Variants in PTPRN2 observed in about 807,000 individuals in gnomAD.
PTPRN2 encodes receptor-type tyrosine-protein phosphatase N2.
In PTPRN2, 74 loss-of-function variants were observed where a neutral mutation model predicts 118.8. The observed-to-expected ratio is 0.62, with a 90% CI of 0.52 to 0.76. The LOEUF (loss-of-function observed/expected upper bound fraction) is 0.76, where lower values mean the gene tolerates loss of function less well. PTPRN2 is among the 30% of genes least tolerant of loss of function. PTPRN2 has a pLI of 0.00. For synonymous variants in PTPRN2, 641 were observed against 608.0 expected (o/e 1.05, Z -0.80); for missense variants, 1,481 against 1,394.4 (o/e 1.06, Z -0.99).
intron 2 of PTPRN2, among the ~76,000 whole-genome samples, chr7:158,373,205 G>A (rs1200275848): frequency 7.2e-5 from 11 of 152,348 alleles, no homozygotes; most frequent in Non-Finnish European, 1.2e-4. Context: ...TCTGACGCCC[G>A]TACGCTGCGG....
At chr7:158,534,122 CCGT>C in intron 1 of PTPRN2, among the ~76,000 whole-genome samples, 2 of 121,426 alleles carry the variant, frequency 1.6e-5, no homozygotes, top group African/African-American at 6.0e-5. Context: ...GCCCTGGGCT[CCGT>C]CAGGGATGGC....
chr7:157,628,230 T>C lies in PTPRN2; in HGVS notation c.2197-6721A>G, dbSNP rs577893993. 1.6e-4 allele frequency among the ~76,000 whole-genome samples: 24 copies of C among 152,368 alleles called. No individual in the cohort carries two copies. In the South Asian group the frequency reaches 1.9e-3, roughly 12 times the overall value. Reference sequence around the variant, plus strand: ...AAAAGTGTGATTGCCATGAACACTTTGAGGGAGAATGTGTTCACAATGTAT... The same window carrying C: ...AAAAGTGTGATTGCCATGAACACTTCGAGGGAGAATGTGTTCACAATGTAT... On this transcript the variant is annotated intron_variant, in intron 14 of 22. Transcript: ENST00000389418.
At chr7:157,855,537 T>C (rs1164617806) in intron 12 of PTPRN2, among the ~76,000 whole-genome samples, 1 of 152,176 alleles carries the variant, frequency 6.6e-6, no homozygotes, top group Non-Finnish European at 1.5e-5. Flanking sequence ...GGGGATTCAC[T>C]TGATACAAGT....
chr7:157,619,440 C>A lies in PTPRN2; in HGVS notation c.2344+1922G>T, dbSNP rs1193648965. Among the ~76,000 whole-genome samples the A allele has an allele frequency of 2.0e-5, 3 of 152,202 alleles. No individual in the cohort carries two copies. The highest frequency in any genetic ancestry group is 7.2e-5 in the African/African-American group (3 of 41,458). On this transcript the variant is annotated intron_variant, in intron 15 of 22. Coordinates refer to ENST00000389418, the MANE Select transcript of PTPRN2 (RefSeq NM_002847.5). This position sits in a 1 kb window ranked among gnomAD's most constrained non-coding sequence, Gnocchi z 5.3. Reference sequence around the variant, plus strand: ...ACTCCCCGCCCTCTCCTCCCCCAGGCTGCTCCTCTCTGAGGACAGTGGCCA... The same window carrying A: ...ACTCCCCGCCCTCTCCTCCCCCAGGATGCTCCTCTCTGAGGACAGTGGCCA...
At chr7:158,232,799 A>G (rs566041438) in intron 3 of PTPRN2, among the ~76,000 whole-genome samples, 1 of 152,338 alleles carries the variant, frequency 6.6e-6, no homozygotes, top group African/African-American at 2.4e-5. Flanking sequence ...AACATAATAC[A>G]TCACATTAAC....
intron 11 of PTPRN2, among the ~76,000 whole-genome samples, chr7:158,073,043 A>C (rs73171568): frequency 0.17 from 26,335 of 152,066 alleles, 3,378 homozygotes; most frequent in African/African-American, 0.36. Flanking sequence ...CACCAGGGAC[A>C]GAGGGCAGTG....
rs549731762 is a variant in PTPRN2, at chr7:158,208,289, A to G, written c.278-3016T>C. On this transcript the variant is annotated intron_variant, in intron 3 of 22. Coordinates refer to ENST00000389418, the MANE Select transcript of PTPRN2 (RefSeq NM_002847.5). ...TAGAGAAAGATGTCAGTGTTCAAGTATAGGAAGGCTATAAGAACACTAAAC... is the reference window on the plus strand; with the variant it reads ...TAGAGAAAGATGTCAGTGTTCAAGTGTAGGAAGGCTATAAGAACACTAAAC... Among the ~76,000 whole-genome samples, 5 of 152,296 alleles carry G rather than the reference A, an allele frequency of 3.3e-5. No individual in the cohort carries two copies. The South Asian group carries it at 8.3e-4, about 25-fold the overall frequency.
At chr7:158,503,444 T>C (rs1464317907) in intron 1 of PTPRN2, among the ~76,000 whole-genome samples, 1 of 152,082 alleles carries the variant, frequency 6.6e-6, no homozygotes, top group Admixed American at 6.5e-5. Flanking sequence ...GCAGAAGAGG[T>C]GGATGGAAGG....
At chr7:157,935,522 C>A (rs973145724) in intron 11 of PTPRN2, among the ~76,000 whole-genome samples, 1 of 152,226 alleles carries the variant, frequency 6.6e-6, no homozygotes, top group Non-Finnish European at 1.5e-5. Context: ...TCCCACGTGT[C>A]CCCTCTTCTC....
intron 14 of PTPRN2, among the ~76,000 whole-genome samples, chr7:157,638,164 G>A (rs1480264697): frequency 6.6e-6 from 1 of 152,250 alleles, no homozygotes; most frequent in East Asian, 1.9e-4. Flanking sequence ...GCTTGTCTGA[G>A]ACAAAGTTAA....
At chr7:158,046,270 C>T (rs1808860277) in intron 11 of PTPRN2, among the ~76,000 whole-genome samples, 1 of 150,200 alleles carries the variant, frequency 6.7e-6, no homozygotes, top group Non-Finnish European at 1.5e-5. Flanking sequence ...TTGTTCTGTC[C>T]AGGAGCAGAA....
chr7:158,373,357 C>T (rs879743939), intron 2 of PTPRN2, among the ~76,000 whole-genome samples: 1 of 150,056 alleles, frequency 6.7e-6, no homozygotes, highest in Non-Finnish European at 1.5e-5. Context: ...ACTTCTATTC[C>T]AACTGAGTGT....
At chr7:158,420,490 A>C (rs2129422451) in intron 2 of PTPRN2, among the ~76,000 whole-genome samples, 1 of 152,350 alleles carries the variant, frequency 6.6e-6, no homozygotes. Context: ...CTTCTTCACC[A>C]AAAGCCAATG....
At chr7:158,364,002 G>T (rs768330200) in intron 2 of PTPRN2, among the ~76,000 whole-genome samples, 1 of 152,120 alleles carries the variant, frequency 6.6e-6, no homozygotes, top group African/African-American at 2.4e-5. Flanking sequence ...GCCTCCTGCC[G>T]GACGCTGTTT....
chr7:158,327,266 C>T (rs1025735243), intron 2 of PTPRN2, among the ~76,000 whole-genome samples: 1 of 151,796 alleles, frequency 6.6e-6, no homozygotes, highest in African/African-American at 2.4e-5. Flanking sequence ...CTCACATGCA[C>T]ACACGTGCTC....
At chr7:157,997,770 G>C (rs1212784157) in intron 11 of PTPRN2, among the ~76,000 whole-genome samples, 1 of 150,196 alleles carries the variant, frequency 6.7e-6, no homozygotes, top group Admixed American at 6.6e-5. Context: ...ACCAGCCCCT[G>C]CACAGAGGAG....
At chr7:158,532,385 G>A (rs1448740544) in intron 1 of PTPRN2, among the ~76,000 whole-genome samples, 1 of 152,170 alleles carries the variant, frequency 6.6e-6, no homozygotes, top group Non-Finnish European at 1.5e-5. Context: ...TGGCTTCTGA[G>A]AAGCCCCAGA....
At chr7:158,515,210 G>A (rs1338100586) in intron 1 of PTPRN2, among the ~76,000 whole-genome samples, 1 of 149,212 alleles carries the variant, frequency 6.7e-6, no homozygotes, top group African/African-American at 2.5e-5. Context: ...TTTTGAGGCA[G>A]TGTTTCCCTC....
intron 1 of PTPRN2, among the ~76,000 whole-genome samples, chr7:158,490,355 G>A (rs924996475): frequency 6.6e-6 from 1 of 152,222 alleles, no homozygotes; most frequent in Non-Finnish European, 1.5e-5. Flanking sequence ...GGCAGGAAAG[G>A]CCAGCGCGGC....
Sources: gnomAD v4.1 joint callset for allele counts (sites outside exome capture counted in the v4.1 genomes callset) on GRCh38, gnomAD v4.1.1 for gene constraint, Gnocchi (gnomAD v3.1) non-coding constraint, MANE v1.5 for transcripts, NCBI Gene and HGNC (gene_info 2026-07-23, HGNC 2026-07-21) for gene names.